Variants in RASA2 observed in about 807,000 individuals in gnomAD.
RASA2 encodes the protein RAS p21 protein activator 2, also known as ras GTPase-activating protein 2.
A neutral mutation model predicts 118.2 loss-of-function variants in RASA2; 155 were observed. The ratio of observed to expected loss-of-function variants is 1.31; its 90% CI spans 1.15 to 1.50. The LOEUF (loss-of-function observed/expected upper bound fraction) is 1.50, where lower values mean the gene tolerates loss of function less well. Among genes scored for constraint, RASA2 ranks in the 40% most tolerant of loss-of-function variants. The pLI, the probability that RASA2 is intolerant of heterozygous loss-of-function variation, is 0.00. For synonymous variants in RASA2, 353 were observed against 349.1 expected (o/e 1.01, Z -0.12); for missense variants, 1,016 against 1,009.6 (o/e 1.01, Z -0.09).
chr3:141,497,633 G>A (rs2081723105), intron 1 of RASA2, among the ~76,000 whole-genome samples: 1 of 151,906 alleles, frequency 6.6e-6, no homozygotes, highest in Non-Finnish European at 1.5e-5. Flanking sequence ...AGGCTGAGGA[G>A]GGTGGATGGC....
At chr3:141,489,229 GA>G (rs35917720) in intron 1 of RASA2, among the ~76,000 whole-genome samples, 2,118 of 149,068 alleles carry the variant, frequency 0.014, 43 homozygotes, top group African/African-American at 0.049. Context: ...CTGCTTTCTA[GA>G]AAAAAAAAAT....
At chr3:141,609,823 G>A (rs1288022480) in intron 22 of RASA2, 54 bp from the exon 23 acceptor site, 2 of 1,442,158 alleles carry the variant, frequency 1.4e-6, no homozygotes, top group Non-Finnish European at 1.8e-6. Flanking sequence ...ACTACATATT[G>A]CATTTATAGA....
rs1204256719 is a variant in RASA2 at position 141,581,178 on chromosome 3, G to A, written c.1752+1G>A. 6.7e-7 allele frequency: 1 copy of A among 1,490,488 alleles called. No individual in the cohort carries two copies. The allele number at this position is 1,490,488 out of a possible 1,614,324, so 92.3% of individuals were successfully genotyped here. ...AGGATATATTATAGCAGTTAAAAAG[G>A]TATGATGGTTTTATTCTGGAATTGT... On this transcript the variant is annotated splice_donor_variant, in intron 17 of 23. Coordinates refer to ENST00000286364, the MANE Select transcript of RASA2 (RefSeq NM_006506.5). LOFTEE classifies it high-confidence loss of function.
chr3:141,491,444 T>C (rs2081638845), intron 1 of RASA2, among the ~76,000 whole-genome samples: 1 of 152,208 alleles, frequency 6.6e-6, no homozygotes, highest in Admixed American at 6.5e-5. Flanking sequence ...TGTGAGCTCT[T>C]TCAAGATAGA....
intron 19 of RASA2, among the ~76,000 whole-genome samples, chr3:141,606,022 C>T (rs1226225222): frequency 6.6e-6 from 1 of 152,164 alleles, no homozygotes; most frequent in Non-Finnish European, 1.5e-5. Context: ...TTGACTGCTG[C>T]TTAGCACAAA....
In RASA2 at chr3:141,512,195, C is replaced by T; in HGVS notation, c.166C>T (p.Pro56Ser). ...EAKNLLPYLG[P>S]HKMRDCFCTI... Reference sequence around the variant, plus strand: ...AAAAAATTTATTGCCATATCTTGGACCCCACAAAATGAGAGATTGTTTCTG... The same window carrying T: ...AAAAAATTTATTGCCATATCTTGGATCCCACAAAATGAGAGATTGTTTCTG... The change falls in exon 2 of 24, where the codon CCC becomes TCC. Residue 56 changes from proline (P) to serine (S), a missense_variant. Physicochemically the swap from Pro to Ser is moderately conservative, Grantham distance 74. Transcript: ENST00000286364. 1 of 1,606,006 alleles carries T rather than the reference C, an allele frequency of 6.2e-7. No homozygotes were observed. Among genetic ancestry groups the T allele is most frequent in the Non-Finnish European group, 8.5e-7 (1 of 1,177,786 alleles).
chr3:141,608,140 C>G (rs1270522673), intron 20 of RASA2, among the ~76,000 whole-genome samples: 1 of 152,208 alleles, frequency 6.6e-6, no homozygotes, highest in East Asian at 1.9e-4. Flanking sequence ...ATACCATACA[C>G]TTAAGCCAAC....
At chr3:141,541,298 A>G (rs1296794271) in intron 5 of RASA2, among the ~76,000 whole-genome samples, 1 of 152,172 alleles carries the variant, frequency 6.6e-6, no homozygotes, top group Non-Finnish European at 1.5e-5. Context: ...TTGTAAGGTC[A>G]GGGAGTAGAG....
Position 141,540,619 on chromosome 3 carries a change from T to C in RASA2, c.527+10T>C. The C allele has an allele frequency of 6.3e-7, 1 of 1,593,188 alleles. No homozygotes were observed. Among genetic ancestry groups the C allele is most frequent in the South Asian group, 1.1e-5 (1 of 89,296 alleles). On this transcript the variant is annotated intron_variant, in intron 5 of 23. Transcript: ENST00000286364. ...AGCAGCTTGTTGTACAGTAAGCATTTTTTTTAACCAAAATCAACTAGAAAT... is the reference window on the plus strand; with the variant it reads ...AGCAGCTTGTTGTACAGTAAGCATTCTTTTTAACCAAAATCAACTAGAAAT...
rs573474774 is a variant in RASA2 at position 141,612,688 on chromosome 3, G to A, written c.*375G>A. ...CTTGTTTTCACTACCATCAGTGCCT[G>A]CTCTATACTGCCAACATTGTGTTTT... On this transcript the variant is annotated 3_prime_UTR_variant, in exon 24 of 24. Coordinates refer to ENST00000286364, the MANE Select transcript of RASA2 (RefSeq NM_006506.5). 5 of 172,746 alleles carry A rather than the reference G, an allele frequency of 2.9e-5. No individual in the cohort carries two copies. The East Asian group carries it at 8.5e-4, about 29-fold the overall frequency. The allele number at this position is 172,746 out of a possible 1,614,324, so 10.7% of individuals were successfully genotyped here.
At chr3:141,568,335 T>C (rs1242007432) in intron 9 of RASA2, among the ~76,000 whole-genome samples, 1 of 152,098 alleles carries the variant, frequency 6.6e-6, no homozygotes, top group African/African-American at 2.4e-5. Flanking sequence ...GGCTCAGAAC[T>C]CATTTATAAA....
intron 19 of RASA2, among the ~76,000 whole-genome samples, chr3:141,602,694 G>T (rs1233643034): frequency 6.6e-6 from 1 of 152,092 alleles, no homozygotes; most frequent in Non-Finnish European, 1.5e-5. Flanking sequence ...CTCCCTAGGG[G>T]GCCTCACCTG....
At chr3:141,557,349 TC>T (rs1259841740) in intron 7 of RASA2, among the ~76,000 whole-genome samples, 1 of 152,160 alleles carries the variant, frequency 6.6e-6, no homozygotes, top group Non-Finnish European at 1.5e-5. Flanking sequence ...TGAACTCTGC[TC>T]CATTAAAGGC....
rs146174747 is a variant in RASA2, at chr3:141,598,949, G to A, written c.1934-8729G>A. On this transcript the variant is annotated intron_variant, in intron 19 of 23. Transcript: ENST00000286364. ...AAAAATACCAAAAAATCAGCTGGGC[G>A]TCGTGGTGCATGCCTGTAATCCCAG... is the stretch of plus-strand genomic sequence containing the variant. Among the ~76,000 whole-genome samples, 220 of 152,122 alleles carry A rather than the reference G, an allele frequency of 1.4e-3. 7 individuals carry two copies. In the East Asian group the frequency reaches 0.024, roughly 16 times the overall value.
At chr3:141,595,299 A>G (rs1378597485) in intron 19 of RASA2, among the ~76,000 whole-genome samples, 1 of 152,230 alleles carries the variant, frequency 6.6e-6, no homozygotes, top group East Asian at 1.9e-4. Context: ...CAATACATTG[A>G]AAGAGACTAT....
intron 4 of RASA2, among the ~76,000 whole-genome samples, chr3:141,539,866 A>G (rs1302250520): frequency 1.3e-5 from 2 of 152,192 alleles, no homozygotes; most frequent in Non-Finnish European, 1.5e-5. Flanking sequence ...TCTTTAAGAA[A>G]GTACTCCTTT....
intron 6 of RASA2, among the ~76,000 whole-genome samples, chr3:141,554,252 C>T (rs546633363): frequency 1.3e-5 from 2 of 152,300 alleles, no homozygotes; most frequent in South Asian, 4.1e-4. Context: ...AGCATTCCTA[C>T]TTTTCAAATA....
At chr3:141,610,740 C>G (rs1420728781) in intron 23 of RASA2, among the ~76,000 whole-genome samples, 3 of 151,844 alleles carry the variant, frequency 2.0e-5, no homozygotes, top group Admixed American at 6.6e-5. Context: ...ATCCTCCTGC[C>G]TCGTCTCTCA....
intron 19 of RASA2, among the ~76,000 whole-genome samples, chr3:141,598,120 A>G (rs945653969): frequency 2.6e-5 from 4 of 152,226 alleles, no homozygotes; most frequent in East Asian, 1.9e-4. Flanking sequence ...CAAACACTTA[A>G]GGAAGAAATA....
Sources: allele counts gnomAD v4.1 joint callset (sites outside exome capture counted in the v4.1 genomes callset), GRCh38; gene constraint gnomAD v4.1.1; transcripts MANE v1.5; gene names NCBI Gene and HGNC (gene_info 2026-07-23, HGNC 2026-07-21).